The following DCLK2 variants were observed in gnomAD, a reference collection of about 807,000 sequenced individuals.
The protein encoded by DCLK2 is doublecortin like kinase 2.
DCLK2 carries 31 observed loss-of-function variants against 78.4 expected under a neutral mutation model. The ratio of observed to expected loss-of-function variants is 0.40; its 90% CI spans 0.30 to 0.53. DCLK2 has a LOEUF of 0.53. Among genes scored for constraint, DCLK2 ranks in the 20% least tolerant of loss-of-function variants. The pLI is 0.61. For missense variants in DCLK2, 872 were observed against 973.7 expected (o/e 0.90, Z 1.39); for synonymous variants, 407 against 374.9 (o/e 1.09, Z -0.99).
At chr4:150,240,690 G>A (rs1742854732) in intron 12 of DCLK2, among the ~76,000 whole-genome samples, 1 of 144,194 alleles carries the variant, frequency 6.9e-6, no homozygotes, top group Non-Finnish European at 1.5e-5. Context: ...CATGGCACAT[G>A]TATACATATG....
intron 5 of DCLK2, among the ~76,000 whole-genome samples, chr4:150,219,258 C>CT (rs375592229): frequency 0.26 from 18,496 of 72,126 alleles, 3,730 homozygotes; most frequent in Non-Finnish European, 0.35. Context: ...CACAAACATT[C>CT]TTTTTTTTTT....
intron 2 of DCLK2, among the ~76,000 whole-genome samples, chr4:150,154,013 G>A (rs1261984198): frequency 2.0e-5 from 3 of 152,134 alleles, no homozygotes; most frequent in Middle Eastern, 3.2e-3. Flanking sequence ...GAATCAAACT[G>A]TGTAATTGGA....
chr4:150,248,254 A>C, intron 13 of DCLK2, 51 bp from the exon 14 acceptor site: 7 of 1,509,604 alleles, frequency 4.6e-6, no homozygotes, highest in Non-Finnish European at 6.4e-6. Flanking sequence ...TTTATGCTGG[A>C]ATTACCTCCT....
intron 2 of DCLK2, among the ~76,000 whole-genome samples, chr4:150,187,693 A>G (rs1046890125): frequency 2.6e-5 from 4 of 152,146 alleles, no homozygotes; most frequent in Non-Finnish European, 5.9e-5. Context: ...GCACATAATG[A>G]GTGCTCAGTA....
At chr4:150,097,132 A>G (rs1730521751) in intron 1 of DCLK2, among the ~76,000 whole-genome samples, 1 of 151,856 alleles carries the variant, frequency 6.6e-6, no homozygotes, top group Non-Finnish European at 1.5e-5. Context: ...ATGTGTAAGA[A>G]TGAAGGTTTG....
rs1580689328 is a variant in DCLK2, at chr4:150,193,343, T to C, written c.859+103T>C. 14 of 642,556 alleles carry C rather than the reference T, an allele frequency of 2.2e-5. No homozygotes were observed. In the East Asian group the frequency reaches 3.8e-4, roughly 17 times the overall value. The allele number at this position is 642,556 out of a possible 1,614,324, so 39.8% of individuals were successfully genotyped here. On this transcript the variant is annotated intron_variant, in intron 3 of 15. Coordinates refer to ENST00000296550, the MANE Select transcript of DCLK2 (RefSeq NM_001040260.4). The stretch of plus-strand genomic sequence containing the variant: ...TTGGTGCATGTTAAGAAGTCTGACA[T>C]GTTGAGGAAAGATAGCATTGGCAGT...
chr4:150,138,379 C>T (rs984445739), intron 2 of DCLK2, among the ~76,000 whole-genome samples: 15 of 152,030 alleles, frequency 9.9e-5, no homozygotes, highest in African/African-American at 2.2e-4. Context: ...GAGGCCGAGG[C>T]GGGGGGATCA....
intron 4 of DCLK2, among the ~76,000 whole-genome samples, chr4:150,201,082 T>C (rs1001818835): frequency 1.3e-5 from 2 of 152,162 alleles, no homozygotes; most frequent in Admixed American, 1.3e-4. Context: ...CCTCCCAAAG[T>C]GCTGGGATTA....
chr4:150,139,350 C>T (rs1733948482), intron 2 of DCLK2, among the ~76,000 whole-genome samples: 2 of 152,132 alleles, frequency 1.3e-5, no homozygotes, highest in Non-Finnish European at 2.9e-5. Context: ...GAAGTGATGC[C>T]AGTGCTAAGT....
At chr4:150,086,350 GC>G (rs1729635655) in intron 1 of DCLK2, among the ~76,000 whole-genome samples, 1 of 151,976 alleles carries the variant, frequency 6.6e-6, no homozygotes, top group East Asian at 1.9e-4. Flanking sequence ...AATATTCCTT[GC>G]CCCTTTGTGT....
chr4:150,094,869 G>A (rs1730345577), intron 1 of DCLK2, among the ~76,000 whole-genome samples: 1 of 152,126 alleles, frequency 6.6e-6, no homozygotes, highest in Non-Finnish European at 1.5e-5. Context: ...TGTTTTCAGA[G>A]TCATTTGTGA....
At chr4:150,212,120 G>T (rs1199019066) in intron 5 of DCLK2, among the ~76,000 whole-genome samples, 2 of 152,208 alleles carry the variant, frequency 1.3e-5, no homozygotes, top group Non-Finnish European at 2.9e-5. Context: ...TGAAGTGTAT[G>T]CCTGGAGGCT....
intron 7 of DCLK2, among the ~76,000 whole-genome samples, chr4:150,224,203 T>C (rs1005979486): frequency 2.0e-5 from 3 of 152,060 alleles, no homozygotes; most frequent in African/African-American, 7.2e-5. Context: ...GTCCCCTGAC[T>C]CCACTAGATA....
chr4:150,161,213 A>C (rs923854334), intron 2 of DCLK2, among the ~76,000 whole-genome samples: 3 of 152,218 alleles, frequency 2.0e-5, no homozygotes, highest in Non-Finnish European at 2.9e-5. Flanking sequence ...ATCAGAGTAG[A>C]ATTGCCCAGA....
At chr4:150,220,044 A>G (rs1024364785) in intron 5 of DCLK2, among the ~76,000 whole-genome samples, 2 of 152,322 alleles carry the variant, frequency 1.3e-5, no homozygotes, top group South Asian at 2.1e-4. Flanking sequence ...TGCAATGCCA[A>G]GTGAAGCCGG....
At chr4:150,124,914 A>G (rs1732812763) in intron 2 of DCLK2, among the ~76,000 whole-genome samples, 1 of 152,224 alleles carries the variant, frequency 6.6e-6, no homozygotes, top group Non-Finnish European at 1.5e-5. Context: ...TGTGCCCCCA[A>G]GGAGCTGGTT....
In DCLK2 at chr4:150,248,394, C is replaced by A. The variant is rs779015884; in HGVS notation, c.1956+9C>A. ...GTCACCCCTGGGTGTCAGTAAGTAC[C>A]CACATTCCCAGGGAATGGGCCTCAC... On this transcript the variant is annotated intron_variant, in intron 14 of 15. Transcript: ENST00000296550. 6.2e-7 allele frequency: 1 copy of A among 1,612,256 alleles called. No individual in the cohort carries two copies. Among genetic ancestry groups the A allele is most frequent in the Non-Finnish European group, 8.5e-7 (1 of 1,178,574 alleles).
intron 2 of DCLK2, among the ~76,000 whole-genome samples, chr4:150,122,373 T>C (rs1253373455): frequency 6.6e-6 from 1 of 152,186 alleles, no homozygotes; most frequent in Non-Finnish European, 1.5e-5. Flanking sequence ...CCGTCAATGA[T>C]AGACTGGATA....
intron 2 of DCLK2, among the ~76,000 whole-genome samples, chr4:150,108,318 C>G (rs1731415829): frequency 6.6e-6 from 1 of 151,636 alleles, no homozygotes; most frequent in South Asian, 2.1e-4. Context: ...ACCATCCTGG[C>G]TCAATCTCCT....
Sources: allele counts gnomAD v4.1 joint callset (sites outside exome capture counted in the v4.1 genomes callset), GRCh38; gene constraint gnomAD v4.1.1; transcripts MANE v1.5; gene names NCBI Gene and HGNC (gene_info 2026-07-23, HGNC 2026-07-21).